The following RYR2 variants were observed in gnomAD, a reference collection of about 807,000 sequenced individuals.
RYR2 encodes the protein cardiac muscle ryanodine receptor-calcium release channel.
Under a neutral mutation model 601.1 loss-of-function variants are expected in RYR2, and 227 were observed. The observed-to-expected ratio is 0.38, with a 90% CI of 0.34 to 0.42. The LOEUF is 0.42. Ranked by LOEUF, RYR2 falls within the 10% of genes least tolerant of loss-of-function variation. RYR2 has a pLI of 1.00. For synonymous variants in RYR2, 2,223 were observed against 2,175.1 expected, an observed-to-expected ratio of 1.02 and a Z score of -0.61; for missense variants, 4,646 against 6,156.5, an observed-to-expected ratio of 0.75 and a Z score of 8.21.
chr1:237,061,246 T>TATCATCTATCTATCTATCC (rs1662807650), intron 1 of RYR2, among the ~76,000 whole-genome samples: 1 of 104,936 alleles, frequency 9.5e-6, no homozygotes, highest in Non-Finnish European at 2.2e-5. Context: ...TCTATCTATC[T>TATCATCTATCTATCTATCC]ATCTATCATC....
rs2618712 is a variant in RYR2 at position 237,590,242 on chromosome 1, C to T, written c.3807+241C>T. Among the ~76,000 whole-genome samples, 59,564 of 150,812 alleles carry T rather than the reference C, an allele frequency of 0.39. 13,160 individuals carry two copies. Among genetic ancestry groups the T allele is most frequent in the Admixed American group, 0.5 (7,573 of 15,154 alleles). On this transcript the variant is annotated intron_variant, in intron 30 of 104. Transcript: ENST00000366574. ...TTTCTTGAGCTATGTGTGAAGAAGT[C>T]TATAGCTCAGACTATGTCTGGGGTT...
intron 1 of RYR2, among the ~76,000 whole-genome samples, chr1:237,138,016 A>ATATTTTATTT (rs376745141): frequency 0.03 from 4,497 of 151,464 alleles, 217 homozygotes; most frequent in African/African-American, 0.1. Flanking sequence ...TGCACTGGAT[A>ATATTTTATTT]TATTTTATTT....
At chr1:237,263,495 A>G (rs1375012708) in intron 1 of RYR2, among the ~76,000 whole-genome samples, 1 of 152,230 alleles carries the variant, frequency 6.6e-6, no homozygotes, top group Non-Finnish European at 1.5e-5. Flanking sequence ...GTCTGCAAGT[A>G]ACATCACTGT....
chr1:237,792,859 G>A (rs189492268), intron 94 of RYR2, among the ~76,000 whole-genome samples: 206 of 152,268 alleles, frequency 1.4e-3, no homozygotes, highest in African/African-American at 4.7e-3. Flanking sequence ...TGTCAATCCT[G>A]GGAGTCATTT....
intron 63 of RYR2, among the ~76,000 whole-genome samples, chr1:237,696,006 C>T (rs1687393341): frequency 6.6e-6 from 1 of 152,214 alleles, no homozygotes; most frequent in South Asian, 2.1e-4. Context: ...TCCTACTCTT[C>T]TTACATCCCA....
intron 51 of RYR2, 51 bp downstream of exon 51, chr1:237,651,552 T>TA: frequency 8.7e-7 from 1 of 1,144,202 alleles, no homozygotes; most frequent in Non-Finnish European, 1.3e-6. Flanking sequence ...TCTCTGACTT[T>TA]ATTTTCTATG....
intron 56 of RYR2, among the ~76,000 whole-genome samples, chr1:237,664,984 G>A (rs925730592): frequency 2.0e-5 from 3 of 152,178 alleles, no homozygotes; most frequent in African/African-American, 2.4e-5. Context: ...CTAACAATGA[G>A]AATAGCCATT....
At chr1:237,265,277 G>T (rs1156336946) in intron 1 of RYR2, among the ~76,000 whole-genome samples, 4 of 152,122 alleles carry the variant, frequency 2.6e-5, no homozygotes, top group Non-Finnish European at 4.4e-5. Context: ...TTGGGCTGGT[G>T]CCAGACCATG....
At position 237,609,641 on chromosome 1, in the gene RYR2, AG is replaced by A. The variant is rs199891594; in HGVS notation, c.4684-1119del. ...CGGCCTCCCAAAGTGCTGGGATTAC[AG>A]GCGTGAGCCATGGTGCCTAGCCCAG... On this transcript the variant is annotated intron_variant, in intron 35 of 104. Coordinates refer to ENST00000366574, the MANE Select transcript of RYR2 (RefSeq NM_001035.3). Among the ~76,000 whole-genome samples, 1,409 of 152,136 alleles carry A rather than the reference AG, an allele frequency of 9.3e-3. 26 individuals are homozygous for A. The highest frequency in any genetic ancestry group is 0.032 in the African/African-American group (1,345 of 41,506).
chr1:237,190,987 C>T (rs2148997052), intron 1 of RYR2, among the ~76,000 whole-genome samples: 1 of 152,262 alleles, frequency 6.6e-6, no homozygotes, highest in East Asian at 1.9e-4. Flanking sequence ...GAAATCATTG[C>T]CAAACCCATT....
Position 237,208,960 on chromosome 1 carries a change from A to ATATATATATATATGTG in RYR2, c.49-61524_49-61523insGTGTATATATATATAT, listed in dbSNP as rs1558427878. On this transcript the variant is annotated intron_variant, in intron 1 of 104. Coordinates refer to ENST00000366574, the MANE Select transcript of RYR2 (RefSeq NM_001035.3). Reference sequence around the variant, plus strand: ...TGTATATATATATATATATATATATATATATATATATATATATATATATAT... The same window carrying ATATATATATATATGTG: ...TGTATATATATATATATATATATATATATATATATATATGTGTATATATATATATATATATATATAT... 5.3e-4 allele frequency among the ~76,000 whole-genome samples: 55 copies of ATATATATATATATGTG among 103,006 alleles called. 1 individual carries two copies. Among genetic ancestry groups the ATATATATATATATGTG allele is most frequent in the East Asian group, 1.2e-3 (3 of 2,486 alleles). The allele number at this position is 103,006 out of a possible 152,430, so 67.6% of individuals were successfully genotyped here.
chr1:237,492,881 A>AGGG, intron 18 of RYR2, 73 bp from the exon 19 acceptor site: 1 of 1,137,536 alleles, frequency 8.8e-7, no homozygotes, highest in South Asian at 1.5e-5. Flanking sequence ...GAAGGGAAGG[A>AGGG]AGGAAGGGAG....
intron 1 of RYR2, among the ~76,000 whole-genome samples, chr1:237,208,633 C>A (rs573260416): frequency 6.6e-6 from 1 of 151,910 alleles, no homozygotes; most frequent in Non-Finnish European, 1.5e-5. Flanking sequence ...TTGATATACA[C>A]GTACATTGTG....
chr1:237,497,315 A>T (rs1165163831), intron 20 of RYR2, among the ~76,000 whole-genome samples: 1 of 152,250 alleles, frequency 6.6e-6, no homozygotes, highest in East Asian at 1.9e-4. Flanking sequence ...ATAAAGGAAT[A>T]GGTCATTTCA....
At chr1:237,459,313 A>T (rs1659200612) in intron 16 of RYR2, among the ~76,000 whole-genome samples, 1 of 152,156 alleles carries the variant, frequency 6.6e-6, no homozygotes, top group Non-Finnish European at 1.5e-5. Flanking sequence ...GGCTGGATGC[A>T]TTGGCTCATG....
At chr1:237,584,655 T>TGTTTTTTTTTG (rs1417203265) in intron 29 of RYR2, among the ~76,000 whole-genome samples, 1 of 129,608 alleles carries the variant, frequency 7.7e-6, no homozygotes, top group African/African-American at 2.9e-5. Context: ...ACCTGTTTTT[T>TGTTTTTTTTTG]TTTTTTTTTT....
chr1:237,589,304 C>G (rs1274875554), intron 29 of RYR2, among the ~76,000 whole-genome samples: 4 of 151,992 alleles, frequency 2.6e-5, no homozygotes, highest in African/African-American at 9.6e-5. Context: ...TCTTTTTTTT[C>G]TTGAGCTATG....
At chr1:237,077,729 T>G (rs550957202) in intron 1 of RYR2, among the ~76,000 whole-genome samples, 835 of 151,692 alleles carry the variant, frequency 5.5e-3, no homozygotes, top group Non-Finnish European at 8.7e-3. Context: ...AGACAGAAAG[T>G]CAACAAGGAT....
At chr1:237,551,310 A>G (rs555337495) in intron 27 of RYR2, among the ~76,000 whole-genome samples, 1 of 152,032 alleles carries the variant, frequency 6.6e-6, no homozygotes, top group Non-Finnish European at 1.5e-5. Flanking sequence ...CAGGCGGATC[A>G]CAAGGTCAGG....
Sources: allele counts gnomAD v4.1 joint callset (sites outside exome capture counted in the v4.1 genomes callset), GRCh38; gene constraint gnomAD v4.1.1; transcripts MANE v1.5; gene names NCBI Gene and HGNC (gene_info 2026-07-23, HGNC 2026-07-21).